Variants in LAMA2 observed in about 807,000 individuals in gnomAD.
The protein encoded by LAMA2 is laminin subunit alpha-2.
A neutral mutation model predicts 364.8 loss-of-function variants in LAMA2; 269 were observed. That is an observed-to-expected ratio of 0.74 (90% CI 0.67 to 0.82). LAMA2 has a LOEUF of 0.82. Among genes scored for constraint, LAMA2 ranks in the 40% least tolerant of loss-of-function variants. LAMA2 has a pLI of 0.00. For synonymous variants in LAMA2, 1,379 were observed against 1,370.6 expected (o/e 1.01, Z -0.14); for missense variants, 3,807 against 3,873.2 (o/e 0.98, Z 0.45).
Position 129,369,965 on chromosome 6 carries a change from C to A in LAMA2, c.4934C>A (p.Thr1645Asn). The A allele has an allele frequency of 6.2e-7, 1 of 1,613,938 alleles. No homozygotes were observed. ...GAGGGCAATCTGAATACACTCGTGA[C>A]CGAAATGAACGAGCTGCTGACCAGG... Reference protein sequence around the residue: ...LAEGNLNTLVTEMNELLTRAT... With the variant: ...LAEGNLNTLVNEMNELLTRAT... Residue 1645 changes from threonine to asparagine, a missense_variant, in exon 34 of 65, where the codon ACC becomes AAC. Thr to Asn is a moderately conservative substitution (Grantham distance 65). Around this residue, in one of 3 missense-constraint regions of LAMA2, gnomAD observed 3,333 missense variants for 3,345.7 expected, o/e 1.00. Coordinates refer to ENST00000421865, the MANE Select transcript of LAMA2 (RefSeq NM_000426.4).
intron 15 of LAMA2, among the ~76,000 whole-genome samples, chr6:129,265,208 G>A (rs2114337505): frequency 6.6e-6 from 1 of 152,218 alleles, no homozygotes; most frequent in African/African-American, 2.4e-5. Flanking sequence ...TGGGAATATG[G>A]CAACAAGGTT....
intron 8 of LAMA2, among the ~76,000 whole-genome samples, chr6:129,161,055 T>C (rs1043557525): frequency 6.6e-6 from 1 of 152,088 alleles, no homozygotes; most frequent in East Asian, 1.9e-4. Context: ...TTTGAAGCAC[T>C]GTTATGAGGC....
chr6:129,215,189 C>G (rs1783348508), intron 12 of LAMA2, among the ~76,000 whole-genome samples: 3 of 152,144 alleles, frequency 2.0e-5, no homozygotes, highest in Admixed American at 2.0e-4. Context: ...TGAAAATTCT[C>G]ATCTTCCTTC....
intron 1 of LAMA2, among the ~76,000 whole-genome samples, chr6:129,035,301 CTTT>C (rs546836712): frequency 7.7e-6 from 1 of 129,494 alleles, no homozygotes; most frequent in Admixed American, 7.6e-5. Flanking sequence ...CTTTTCTTTT[CTTT>C]TTTTTTTTTT....
At chr6:128,946,767 C>A (rs974426887) in intron 1 of LAMA2, among the ~76,000 whole-genome samples, 1 of 152,078 alleles carries the variant, frequency 6.6e-6, no homozygotes, top group East Asian at 1.9e-4. Context: ...TATAAACCAG[C>A]GCCCAGTTGG....
chr6:129,359,118 T>C (rs1366239598), intron 32 of LAMA2, among the ~76,000 whole-genome samples: 2 of 151,866 alleles, frequency 1.3e-5, no homozygotes, highest in Non-Finnish European at 2.9e-5. Flanking sequence ...GTGACTGTTG[T>C]GTAGATAAAA....
At chr6:129,067,612 C>A (rs1165126755) in intron 3 of LAMA2, among the ~76,000 whole-genome samples, 2 of 152,200 alleles carry the variant, frequency 1.3e-5, no homozygotes, top group South Asian at 4.1e-4. Flanking sequence ...AAAGTCTCTA[C>A]TGGTTTTCCA....
At chr6:129,513,424 C>T (rs1464092934) in intron 63 of LAMA2, among the ~76,000 whole-genome samples, 2 of 152,150 alleles carry the variant, frequency 1.3e-5, no homozygotes, top group East Asian at 1.9e-4. Context: ...CAGTTACCAT[C>T]GATATGTCAC....
At chr6:129,262,298 A>C (rs1224282887) in intron 15 of LAMA2, among the ~76,000 whole-genome samples, 3 of 152,104 alleles carry the variant, frequency 2.0e-5, no homozygotes, top group Non-Finnish European at 2.9e-5. Flanking sequence ...GGAGACAATA[A>C]ATATCTATGA....
At chr6:129,053,160 C>T (rs1241931271) in intron 2 of LAMA2, among the ~76,000 whole-genome samples, 2 of 152,170 alleles carry the variant, frequency 1.3e-5, no homozygotes, top group African/African-American at 4.8e-5. Context: ...CTCACCGCAA[C>T]CTCCGCCTCC....
intron 2 of LAMA2, among the ~76,000 whole-genome samples, chr6:129,051,573 T>C (rs978287323): frequency 8.7e-5 from 13 of 149,742 alleles, no homozygotes; most frequent in African/African-American, 2.4e-5. Flanking sequence ...AGCCTCCCAA[T>C]AGATATATTT....
At chr6:129,199,266 A>G (rs548361869) in intron 12 of LAMA2, among the ~76,000 whole-genome samples, 2 of 152,350 alleles carry the variant, frequency 1.3e-5, no homozygotes, top group East Asian at 1.9e-4. Context: ...AATTATCTCA[A>G]TAGACACAGA....
intron 1 of LAMA2, among the ~76,000 whole-genome samples, chr6:128,892,807 A>C (rs567147047): frequency 6.6e-6 from 1 of 151,994 alleles, no homozygotes; most frequent in Middle Eastern, 3.4e-3. Context: ...TTGTGTATTA[A>C]ATTTTTAGTG....
chr6:128,934,844 ATGT>A lies in LAMA2; in HGVS notation c.112+51490_112+51492del, dbSNP rs375355123. On this transcript the variant is annotated intron_variant, in intron 1 of 64. Coordinates refer to ENST00000421865, the MANE Select transcript of LAMA2 (RefSeq NM_000426.4). ...CATTTTCTAAAAAATTGCCATTGAA[ATGT>A]TGAGTGACTGCATTGACTCTGTAGA... 6.0e-4 allele frequency among the ~76,000 whole-genome samples: 92 copies of A among 152,218 alleles called. 2 individuals carry two copies. Among genetic ancestry groups the A allele is most frequent in the African/African-American group, 2.2e-3 (90 of 41,562 alleles).
At chr6:129,445,887 G>A (rs1186244757) in intron 45 of LAMA2, 66 bp downstream of exon 45, 2 of 1,460,506 alleles carry the variant, frequency 1.4e-6, no homozygotes, top group East Asian at 2.3e-5. Context: ...TAGAGGGAAT[G>A]TCTTTCCCCA....
chr6:129,154,230 G>T (rs1391223243), intron 7 of LAMA2, among the ~76,000 whole-genome samples: 1 of 152,114 alleles, frequency 6.6e-6, no homozygotes, highest in African/African-American at 2.4e-5. Context: ...GGCCAACATG[G>T]TGAAGCCCCA....
At chr6:129,257,648 C>T (rs1786797014) in intron 14 of LAMA2, among the ~76,000 whole-genome samples, 1 of 151,950 alleles carries the variant, frequency 6.6e-6, no homozygotes, top group African/African-American at 2.4e-5. Context: ...GTATGATAAT[C>T]AACTAGTGTA....
At chr6:128,948,134 G>C (rs1780593444) in intron 1 of LAMA2, among the ~76,000 whole-genome samples, 1 of 152,052 alleles carries the variant, frequency 6.6e-6, no homozygotes. Flanking sequence ...ATTGACAATG[G>C]GATAGGGGTG....
intron 58 of LAMA2, among the ~76,000 whole-genome samples, chr6:129,502,069 T>C (rs1583908782): frequency 6.6e-6 from 1 of 152,034 alleles, no homozygotes; most frequent in South Asian, 2.1e-4. Context: ...GTTGAAATGG[T>C]GTATGGTGGG....
Sources: allele counts gnomAD v4.1 joint callset (sites outside exome capture counted in the v4.1 genomes callset), GRCh38; gene constraint gnomAD v4.1.1; regional missense constraint gnomAD v4.1.1; transcripts MANE v1.5; gene names NCBI Gene and HGNC (gene_info 2026-07-23, HGNC 2026-07-21).